Variants in ZRANB2 observed in about 807,000 individuals in gnomAD.
ZRANB2 encodes zinc finger RANBP2-type containing 2.
Under a neutral mutation model 53.4 loss-of-function variants are expected in ZRANB2, and 19 were observed. The ratio of observed to expected loss-of-function variants is 0.36; its 90% CI spans 0.25 to 0.52. ZRANB2 has a LOEUF of 0.52. Among genes scored for constraint, ZRANB2 ranks in the 20% least tolerant of loss-of-function variants. The pLI is 0.93. For missense variants in ZRANB2, 309 were observed against 401.1 expected (o/e 0.77, Z 1.96); for synonymous variants, 145 against 134.8 (o/e 1.08, Z -0.52).
intron 6 of ZRANB2, among the ~76,000 whole-genome samples, 173 bp from the exon 7 acceptor site, chr1:71,071,169 C>G (rs537760135): frequency 3.1e-4 from 47 of 152,252 alleles, no homozygotes; most frequent in African/African-American, 1.1e-3. Context: ...AGAGACTTGA[C>G]AACTTTGTCT....
intron 8 of ZRANB2, among the ~76,000 whole-genome samples, chr1:71,068,979 T>C (rs1234453071): frequency 6.6e-6 from 1 of 151,948 alleles, no homozygotes; most frequent in East Asian, 1.9e-4. Flanking sequence ...ATACTAGAGA[T>C]GTGGCGATAA....
At chr1:71,075,714 T>C (rs1661694373) in intron 4 of ZRANB2, among the ~76,000 whole-genome samples, 1 of 151,614 alleles carries the variant, frequency 6.6e-6, no homozygotes, top group Non-Finnish European at 1.5e-5. Context: ...GGTGCATACC[T>C]TAGGTGAGGG....
Position 71,064,921 on chromosome 1 carries a change from C to T in ZRANB2, c.*153G>A. On this transcript the variant is annotated 3_prime_UTR_variant, in exon 10 of 10. Transcript: ENST00000370920. ...AAAATGCTATTTACTTTTAACTTCA[C>T]AAATAAACACAGCTGTATTGTTTTG... 1 of 474,044 alleles carries T rather than the reference C, an allele frequency of 2.1e-6. No individual in the cohort carries two copies. Among genetic ancestry groups the T allele is most frequent in the Non-Finnish European group, 3.8e-6 (1 of 261,106 alleles). 29.4% of individuals were successfully genotyped at this position (474,044 alleles called of 1,614,324 possible).
At chr1:71,076,718 C>T (rs1477354669) in intron 4 of ZRANB2, 77 bp downstream of exon 4, 12 of 1,096,506 alleles carry the variant, frequency 1.1e-5, no homozygotes, top group African/African-American at 3.2e-5. Flanking sequence ...GGCTCTTACT[C>T]GAAGGTGATA....
intron 4 of ZRANB2, among the ~76,000 whole-genome samples, chr1:71,075,438 T>G (rs1661687761): frequency 6.6e-6 from 1 of 151,986 alleles, no homozygotes; most frequent in Non-Finnish European, 1.5e-5. Flanking sequence ...ATATAATGAG[T>G]TTGACATTTG....
chr1:71,068,752 T>C (rs1661522138), intron 8 of ZRANB2, among the ~76,000 whole-genome samples: 1 of 151,938 alleles, frequency 6.6e-6, no homozygotes. Context: ...ATGAAGAAAA[T>C]TTTTCTTTTT....
At position 71,064,229 on chromosome 1, in the gene ZRANB2, T is replaced by C. The variant is rs1332756002; in HGVS notation, c.*845A>G. On this transcript the variant is annotated 3_prime_UTR_variant, in exon 10 of 10. Transcript: ENST00000370920. The stretch of plus-strand genomic sequence containing the variant: ...TTGGCCTTTCACCAAAAGAGAAATA[T>C]ACTTTAAAAGCTTACTTCAATTTGC... 1.3e-5 allele frequency: 2 copies of C among 152,312 alleles called. No individual in the cohort carries two copies. The highest frequency in any genetic ancestry group is 1.5e-5 in the Non-Finnish European group (1 of 67,898). 9.4% of individuals were successfully genotyped at this position (152,312 alleles called of 1,614,324 possible). A position where few individuals can be genotyped will look rare whatever the true frequency, so the allele number is the denominator to read the frequency against.
intron 8 of ZRANB2, among the ~76,000 whole-genome samples, chr1:71,068,834 G>C (rs1416070518): frequency 1.3e-5 from 2 of 150,826 alleles, no homozygotes; most frequent in Non-Finnish European, 2.9e-5. Context: ...TGTCACCCAG[G>C]CTGGATTACA....
intron 3 of ZRANB2, 28 bp downstream of exon 3, chr1:71,078,429 A>C (rs758575361): frequency 8.2e-6 from 13 of 1,581,550 alleles, no homozygotes; most frequent in Non-Finnish European, 1.1e-5. Flanking sequence ...TTTGGAAGAA[A>C]GAGCAGACAA....
In ZRANB2 at chr1:71,063,548, T is replaced by A. The variant is rs918742848; in HGVS notation, c.*1526A>T. On this transcript the variant is annotated 3_prime_UTR_variant, in exon 10 of 10. Transcript: ENST00000370920. ...TAAACCAATGGTAACATGTAGAATC[T>A]AGATCGTCGGGGCAATTTAGAAGGT... 1.3e-5 allele frequency: 2 copies of A among 152,432 alleles called. No homozygotes were observed. Among genetic ancestry groups the A allele is most frequent in the African/African-American group, 4.8e-5 (2 of 41,436 alleles). 9.4% of individuals were successfully genotyped at this position (152,432 alleles called of 1,614,324 possible).
In ZRANB2 at chr1:71,070,891, G is replaced by A. The variant is rs11583800; in HGVS notation, c.619C>T (p.Arg207Ter). ...GATGAAGATCGTGAATGTGAAGATC[G>A]AGACTTTGAGCGACTTCGTCTATTA... ...KSNRRSRSKS[R>*]SSHSRSSSRS... The change falls in exon 7 of 10, where the codon CGA (arginine) becomes TGA (stop). Residue 207 changes from arginine to a stop codon, truncating the protein, a stop_gained. Coordinates refer to ENST00000370920, the MANE Select transcript of ZRANB2 (RefSeq NM_203350.3). LOFTEE classifies it high-confidence loss of function. 1 of 1,609,186 alleles carries A rather than the reference G, an allele frequency of 6.2e-7. No individual in the cohort carries two copies. Among genetic ancestry groups the A allele is most frequent in the African/African-American group, 1.3e-5 (1 of 74,654 alleles).
intron 1 of ZRANB2, among the ~76,000 whole-genome samples, chr1:71,080,524 A>G (rs1275932064): frequency 6.6e-6 from 1 of 152,158 alleles, no homozygotes; most frequent in Non-Finnish European, 1.5e-5. Context: ...CAAAAGGACG[A>G]GTGCGAGAAA....
At chr1:71,073,424 AC>A (rs1455114722) in intron 4 of ZRANB2, among the ~76,000 whole-genome samples, 1 of 152,020 alleles carries the variant, frequency 6.6e-6, no homozygotes, top group Admixed American at 6.6e-5. Context: ...AGACTTAGGG[AC>A]TTCATTCATC....
chr1:71,066,303 T>C (rs1661434950), intron 9 of ZRANB2: 1 of 154,380 alleles, frequency 6.5e-6, no homozygotes, highest in South Asian at 2.0e-4. Flanking sequence ...ATAATTTCCT[T>C]ATAGACAAAG....
intron 4 of ZRANB2, among the ~76,000 whole-genome samples, chr1:71,076,416 TAGA>T (rs1451706383): frequency 6.6e-6 from 1 of 152,202 alleles, no homozygotes; most frequent in Non-Finnish European, 1.5e-5. Context: ...GCCAAAGCTT[TAGA>T]AGAACACTTT....
chr1:71,079,642 T>C (rs759162541), intron 1 of ZRANB2, among the ~76,000 whole-genome samples: 1 of 152,202 alleles, frequency 6.6e-6, no homozygotes, highest in Non-Finnish European at 1.5e-5. Context: ...TTTAAACATA[T>C]TGTACAAACA....
rs1312332608 is a variant in ZRANB2 at position 71,065,152 on chromosome 1, GGA to G, written c.930-17_930-16del. The G allele has an allele frequency of 1.7e-5, 27 of 1,594,494 alleles. No homozygotes were observed. In the African/African-American group the frequency reaches 1.7e-4, roughly 10 times the overall value. On this transcript the variant is annotated splice_polypyrimidine_tract_variant and intron_variant, in intron 9 of 9. Coordinates refer to ENST00000370920, the MANE Select transcript of ZRANB2 (RefSeq NM_203350.3). ...ACCTGTGGCGTCTGTAAGACATAAT[GGA>G]GAGAGTAGGCATTCTAGTAAGCTAG...
chr1:71,077,927 C>A (rs1198695845), intron 3 of ZRANB2, among the ~76,000 whole-genome samples: 2 of 152,100 alleles, frequency 1.3e-5, no homozygotes, highest in Non-Finnish European at 2.9e-5. Flanking sequence ...CTCTTTCATA[C>A]ACATAGGATT....
At position 71,063,474 on chromosome 1, in the gene ZRANB2, T is replaced by C. The variant is rs1179836063; in HGVS notation, c.*1600A>G. 6.6e-6 allele frequency: 1 copy of C among 152,444 alleles called. No homozygotes were observed. The highest frequency in any genetic ancestry group is 2.4e-5 in the African/African-American group (1 of 41,438). 9.4% of individuals were successfully genotyped at this position (152,444 alleles called of 1,614,324 possible). A position where few individuals can be genotyped will look rare whatever the true frequency, so the allele number is the denominator to read the frequency against. On this transcript the variant is annotated 3_prime_UTR_variant, in exon 10 of 10. Coordinates refer to ENST00000370920, the MANE Select transcript of ZRANB2 (RefSeq NM_203350.3). ...AACTACTATTAGCTAAATTATAACC[T>C]TGCATTTGCTTAGTACAGCCAAAGT...
Sources: allele counts gnomAD v4.1 joint callset (sites outside exome capture counted in the v4.1 genomes callset), GRCh38; gene constraint gnomAD v4.1.1; transcripts MANE v1.5; gene names NCBI Gene and HGNC (gene_info 2026-07-23, HGNC 2026-07-21).